The following LRP12 variants were observed in gnomAD, a reference collection of about 807,000 sequenced individuals.
LRP12 encodes the protein low-density lipoprotein receptor-related protein 12.
A neutral mutation model predicts 66.0 loss-of-function variants in LRP12; 14 were observed. That is an observed-to-expected ratio of 0.21 (90% CI 0.14 to 0.33). The LOEUF is 0.33. LRP12 is among the 10% of genes least tolerant of loss of function. LRP12 has a pLI of 1.00. For synonymous variants in LRP12, 357 were observed against 359.1 expected, an observed-to-expected ratio of 0.99 and a Z score of 0.07; for missense variants, 889 against 1,053.4, an observed-to-expected ratio of 0.84 and a Z score of 2.16.
At chr8:104,572,501 G>A (rs1411411647) in intron 1 of LRP12, among the ~76,000 whole-genome samples, 1 of 151,974 alleles carries the variant, frequency 6.6e-6, no homozygotes, top group Non-Finnish European at 1.5e-5. Context: ...AGAAAACAAG[G>A]AAAGCAGTAC....
intron 2 of LRP12, among the ~76,000 whole-genome samples, chr8:104,526,837 C>A (rs1811246881): frequency 7.0e-6 from 1 of 143,728 alleles, no homozygotes; most frequent in Admixed American, 6.8e-5. Context: ...CAAATGGGAT[C>A]TAATTAAACT....
At chr8:104,570,738 C>T (rs759516014) in intron 1 of LRP12, among the ~76,000 whole-genome samples, 2 of 151,972 alleles carry the variant, frequency 1.3e-5, no homozygotes, top group African/African-American at 2.4e-5. Context: ...AGAAATGACA[C>T]AAAAAACAAC....
At chr8:104,507,858 A>G (rs1016865205) in intron 3 of LRP12, 2 of 152,328 alleles carry the variant, frequency 1.3e-5, no homozygotes, top group African/African-American at 4.8e-5. Context: ...CAAAAAAAGG[A>G]GATAGATGAC....
At chr8:104,544,257 T>C (rs1029296071) in intron 1 of LRP12, among the ~76,000 whole-genome samples, 14 of 152,062 alleles carry the variant, frequency 9.2e-5, no homozygotes, top group Admixed American at 6.6e-5. Flanking sequence ...AAAAGAAAAG[T>C]TGGAATCTAG....
At chr8:104,578,114 G>GT (rs1443493377) in intron 1 of LRP12, among the ~76,000 whole-genome samples, 7 of 151,136 alleles carry the variant, frequency 4.6e-5, no homozygotes, top group African/African-American at 2.4e-5. Flanking sequence ...TCCAGGAGCT[G>GT]GTTTTTTTTT....
At chr8:104,546,296 T>C (rs531520300) in intron 1 of LRP12, among the ~76,000 whole-genome samples, 16 of 152,150 alleles carry the variant, frequency 1.1e-4, no homozygotes, top group African/African-American at 3.9e-4. Flanking sequence ...CTTCAAGGGT[T>C]TGATAAGTGC....
chr8:104,533,247 A>G (rs1440392252), intron 1 of LRP12, among the ~76,000 whole-genome samples: 2 of 152,124 alleles, frequency 1.3e-5, no homozygotes, highest in Non-Finnish European at 2.9e-5. Flanking sequence ...ATTTATTGTT[A>G]AATGTCACAC....
intron 1 of LRP12, among the ~76,000 whole-genome samples, chr8:104,538,160 T>C (rs1316262604): frequency 6.6e-6 from 1 of 152,232 alleles, no homozygotes; most frequent in Non-Finnish European, 1.5e-5. Flanking sequence ...TTACATTTTC[T>C]GAAGCATTTA....
chr8:104,588,666 G>A (rs909389236), intron 1 of LRP12, among the ~76,000 whole-genome samples, 153 bp downstream of exon 1: 7 of 152,164 alleles, frequency 4.6e-5, no homozygotes, highest in African/African-American at 1.4e-4. Flanking sequence ...GGGGACACCC[G>A]TTCCGCCACA....
At chr8:104,542,437 A>C (rs1811492462) in intron 1 of LRP12, among the ~76,000 whole-genome samples, 1 of 152,194 alleles carries the variant, frequency 6.6e-6, no homozygotes, top group Admixed American at 6.5e-5. Flanking sequence ...ATTTTCTCCC[A>C]TTCTATAAGC....
chr8:104,560,644 TA>T (rs2140886991), intron 1 of LRP12, among the ~76,000 whole-genome samples: 1 of 152,332 alleles, frequency 6.6e-6, no homozygotes, highest in East Asian at 1.9e-4. Flanking sequence ...TTTACCTCCA[TA>T]TACTTCAACA....
At position 104,589,217 on chromosome 8, in the gene LRP12, C is replaced by T. The variant is rs1016378471; in HGVS notation, c.-320G>A. Among the ~76,000 whole-genome samples, 1 of 151,564 alleles carries T rather than the reference C, an allele frequency of 6.6e-6. No individual in the cohort carries two copies. Among genetic ancestry groups the T allele is most frequent in the African/African-American group, 2.4e-5 (1 of 41,318 alleles). ...AGGGTGGCGGACGCCGGACTCCGGCCTCGCGCCGCTCGGGCTAGCCGGCGC... is the reference window on the plus strand; with the variant it reads ...AGGGTGGCGGACGCCGGACTCCGGCTTCGCGCCGCTCGGGCTAGCCGGCGC... On this transcript the variant is annotated 5_prime_UTR_variant, in exon 1 of 7. Transcript: ENST00000276654.
At chr8:104,566,594 C>G (rs962573604) in intron 1 of LRP12, among the ~76,000 whole-genome samples, 1 of 152,130 alleles carries the variant, frequency 6.6e-6, no homozygotes, top group African/African-American at 2.4e-5. Context: ...TCTTGTGAAT[C>G]AACTTGTGAT....
intron 3 of LRP12, among the ~76,000 whole-genome samples, chr8:104,501,557 A>T (rs1222621407): frequency 6.6e-6 from 1 of 151,998 alleles, no homozygotes; most frequent in Non-Finnish European, 1.5e-5. Flanking sequence ...TACAAAAATT[A>T]GCTGGGTGTG....
intron 2 of LRP12, among the ~76,000 whole-genome samples, chr8:104,515,978 T>C (rs1811067372): frequency 1.3e-5 from 2 of 152,186 alleles, no homozygotes; most frequent in Non-Finnish European, 2.9e-5. Context: ...GGTCTTGAAC[T>C]CTTGAGCTCA....
intron 1 of LRP12, among the ~76,000 whole-genome samples, chr8:104,576,759 A>T (rs1812171323): frequency 6.6e-6 from 1 of 152,214 alleles, no homozygotes; most frequent in African/African-American, 2.4e-5. Context: ...ACACATATCA[A>T]TACTAAGCTT....
At position 104,490,465 on chromosome 8, in the gene LRP12, T is replaced by C; in HGVS notation, c.*208A>G. On this transcript the variant is annotated 3_prime_UTR_variant, in exon 7 of 7. Coordinates refer to ENST00000276654, the MANE Select transcript of LRP12 (RefSeq NM_013437.5). ...AGGACATTATTGAACAATATGAATA[T>C]GTGATGCATTTTTAGCTGCTAAAAT... is the stretch of plus-strand genomic sequence containing the variant. The C allele has an allele frequency of 1.9e-6, 1 of 532,378 alleles. No homozygotes were observed. Among genetic ancestry groups the C allele is most frequent in the Non-Finnish European group, 3.3e-6 (1 of 304,236 alleles). The allele number at this position is 532,378 out of a possible 1,614,324, so 33.0% of individuals were successfully genotyped here. A position where few individuals can be genotyped will look rare whatever the true frequency, so the allele number is the denominator to read the frequency against.
rs1811781118 is a variant in LRP12 at position 104,554,862 on chromosome 8, G to C, written c.80-22899C>G. 2.0e-5 allele frequency among the ~76,000 whole-genome samples: 3 copies of C among 152,144 alleles called. No homozygotes were observed. In the South Asian group the frequency reaches 6.2e-4, roughly 32 times the overall value. On this transcript the variant is annotated intron_variant, in intron 1 of 6. Transcript: ENST00000276654. ...GTCAAGATGAAGGAAAGAATTCTAA[G>C]GGCTGTGAGGCAAAAGCATCAGGTA...
At position 104,497,700 on chromosome 8, in the gene LRP12, A is replaced by G; in HGVS notation, c.852T>C (p.Asn284=). 6.2e-7 allele frequency: 1 copy of G among 1,614,054 alleles called. No individual in the cohort carries two copies. ...CACCAGTGTCTATTAACCAGGTGCA[A>G]TTGCTTCCAGGAGGATAAAAGTCTG... ...NYPDFYPPGS[N]CTWLIDTGDH... Residue 284 remains asparagine (N), a synonymous_variant, in exon 5 of 7, where the codon AAT becomes AAC. Transcript: ENST00000276654. The surrounding 1 kb of genome is among the most constrained non-coding windows in gnomAD (Gnocchi z 4.3).
Sources: allele counts gnomAD v4.1 joint callset (sites outside exome capture counted in the v4.1 genomes callset), GRCh38; gene constraint gnomAD v4.1.1; non-coding constraint Gnocchi (gnomAD v3.1); transcripts MANE v1.5; gene names NCBI Gene and HGNC (gene_info 2026-07-23, HGNC 2026-07-21).